HIKESHI: variants seen among roughly 807,000 people sequenced by gnomAD.
HIKESHI encodes the protein protein Hikeshi.
Under a neutral mutation model 25.7 loss-of-function variants are expected in HIKESHI, and 13 were observed. The observed-to-expected ratio is 0.51, with a 90% confidence interval of 0.33 to 0.80. The LOEUF is 0.80. HIKESHI is among the 30% of genes least tolerant of loss of function. The probability of loss-of-function intolerance (pLI) is 0.02; values close to 1 mark genes in which losing one functional copy is unlikely to be tolerated. For synonymous variants in HIKESHI, 76 were observed against 78.7 expected (o/e 0.97, Z 0.18); for missense variants, 174 against 229.5 (o/e 0.76, Z 1.56).
intron 2 of HIKESHI, among the ~76,000 whole-genome samples, chr11:86,333,522 G>A (rs663482): frequency 1.3e-5 from 2 of 149,326 alleles, no homozygotes; most frequent in African/African-American, 5.0e-5. Flanking sequence ...GCAACAGAGT[G>A]AGACTCTGTC....
At chr11:86,317,983 C>G (rs1415564655) in intron 2 of HIKESHI, among the ~76,000 whole-genome samples, 1 of 151,912 alleles carries the variant, frequency 6.6e-6, no homozygotes, top group African/African-American at 2.4e-5. Flanking sequence ...CCAAACAAAA[C>G]TGAAATAATT....
rs1273706275 is a variant in HIKESHI at position 86,319,240 on chromosome 11, A to ATTTTTT, written c.268+12759_268+12760insTTTTTT. On this transcript the variant is annotated intron_variant, in intron 2 of 4. Coordinates refer to ENST00000278483, the MANE Select transcript of HIKESHI (RefSeq NM_016401.4). ...AAAATATATATATATATATATATAT[A>ATTTTTT]TATTTTTTTTTTTTTTGAGACCAGT... is the stretch of plus-strand genomic sequence containing the variant. Among the ~76,000 whole-genome samples, 126 of 92,914 alleles carry ATTTTTT rather than the reference A, an allele frequency of 1.4e-3. 1 individual carries two copies. Among genetic ancestry groups the ATTTTTT allele is most frequent in the South Asian group, 4.7e-3 (12 of 2,546 alleles). The allele number at this position is 92,914 out of a possible 152,430, so 61.0% of individuals were successfully genotyped here.
At chr11:86,312,857 C>G (rs1478695933) in intron 2 of HIKESHI, among the ~76,000 whole-genome samples, 2 of 152,140 alleles carry the variant, frequency 1.3e-5, no homozygotes, top group Non-Finnish European at 2.9e-5. Flanking sequence ...GTTGAAAATT[C>G]TTTTCTTTAA....
intron 2 of HIKESHI, among the ~76,000 whole-genome samples, chr11:86,319,243 T>TATA (rs1491256643): frequency 1.4e-3 from 52 of 36,526 alleles, no homozygotes; most frequent in East Asian, 3.2e-3. Flanking sequence ...TATATATATA[T>TATA]TTTTTTTTTT....
chr11:86,335,112 C>G (rs1016169955), intron 2 of HIKESHI, among the ~76,000 whole-genome samples: 3 of 152,150 alleles, frequency 2.0e-5, no homozygotes, highest in African/African-American at 7.2e-5. Context: ...AAATAACAGA[C>G]TCCATTCCTG....
At chr11:86,334,236 ATGTG>A (rs60951435) in intron 2 of HIKESHI, among the ~76,000 whole-genome samples, 5,174 of 147,078 alleles carry the variant, frequency 0.035, 189 homozygotes, top group East Asian at 0.16. Context: ...TTTGTAAAAT[ATGTG>A]TGTGTGTGTG....
chr11:86,321,614 C>T (rs1947148689), intron 2 of HIKESHI, among the ~76,000 whole-genome samples: 1 of 152,064 alleles, frequency 6.6e-6, no homozygotes, highest in South Asian at 2.1e-4. Flanking sequence ...ACTGCAACCT[C>T]TGCCTCCCAC....
At chr11:86,303,904 A>T (rs572732114) in intron 1 of HIKESHI, among the ~76,000 whole-genome samples, 2 of 152,328 alleles carry the variant, frequency 1.3e-5, no homozygotes, top group African/African-American at 4.8e-5. Context: ...CAGTACCTAT[A>T]CAAAGTTGAC....
chr11:86,333,276 C>A (rs1406940852), intron 2 of HIKESHI, among the ~76,000 whole-genome samples: 1 of 152,040 alleles, frequency 6.6e-6, no homozygotes, highest in Non-Finnish European at 1.5e-5. Flanking sequence ...TGGCTCATGT[C>A]TGTAATCCCA....
At chr11:86,328,102 A>G (rs1947329277) in intron 2 of HIKESHI, among the ~76,000 whole-genome samples, 1 of 152,222 alleles carries the variant, frequency 6.6e-6, no homozygotes, top group African/African-American at 2.4e-5. Flanking sequence ...TTAATTCCTT[A>G]ATTTTACTGT....
chr11:86,315,802 A>G (rs750411719), intron 2 of HIKESHI, among the ~76,000 whole-genome samples: 27 of 152,200 alleles, frequency 1.8e-4, no homozygotes, highest in Non-Finnish European at 3.4e-4. Flanking sequence ...GTAAACCTAT[A>G]GACAAATCTG....
chr11:86,313,892 A>T (rs769469023), intron 2 of HIKESHI, among the ~76,000 whole-genome samples: 1 of 152,150 alleles, frequency 6.6e-6, no homozygotes, highest in African/African-American at 2.4e-5. Context: ...ATTCTTTTCT[A>T]GGTGGAGGTA....
At chr11:86,329,877 C>G (rs569829698) in intron 2 of HIKESHI, among the ~76,000 whole-genome samples, 66 of 152,058 alleles carry the variant, frequency 4.3e-4, no homozygotes, top group African/African-American at 1.4e-3. Flanking sequence ...TTATAACATA[C>G]TTTTACCTTT....
At chr11:86,312,111 T>C (rs536164242) in intron 2 of HIKESHI, among the ~76,000 whole-genome samples, 27 of 152,180 alleles carry the variant, frequency 1.8e-4, no homozygotes, top group Non-Finnish European at 3.5e-4. Context: ...TTCCTGGATA[T>C]CCTTGTTAAC....
Position 86,320,954 on chromosome 11 carries a change from A to G in HIKESHI, c.268+14472A>G, listed in dbSNP as rs1341088723. On this transcript the variant is annotated intron_variant, in intron 2 of 4. Coordinates refer to ENST00000278483, the MANE Select transcript of HIKESHI (RefSeq NM_016401.4). Reference sequence around the variant, plus strand: ...GTGTTCATTTTTTTCACTTTTTTTGAGACAGAGTCTCACACTGTTGCTCAG... The same window carrying G: ...GTGTTCATTTTTTTCACTTTTTTTGGGACAGAGTCTCACACTGTTGCTCAG... Among the ~76,000 whole-genome samples the G allele has an allele frequency of 2.6e-5, 4 of 151,706 alleles. No homozygotes were observed. In the East Asian group the frequency reaches 7.7e-4, roughly 29 times the overall value.
At chr11:86,308,088 T>C (rs1333314845) in intron 2 of HIKESHI, among the ~76,000 whole-genome samples, 2 of 126,010 alleles carry the variant, frequency 1.6e-5, no homozygotes, top group African/African-American at 6.4e-5. Flanking sequence ...TAAAATATAC[T>C]ATATAAATAT....
chr11:86,331,964 C>A (rs899144013), intron 2 of HIKESHI, among the ~76,000 whole-genome samples: 5 of 151,098 alleles, frequency 3.3e-5, no homozygotes, highest in African/African-American at 1.2e-4. Context: ...CTTCCTTTTG[C>A]CATAACTGTT....
At chr11:86,315,902 C>G (rs972558580) in intron 2 of HIKESHI, among the ~76,000 whole-genome samples, 1 of 151,924 alleles carries the variant, frequency 6.6e-6, no homozygotes, top group African/African-American at 2.4e-5. Context: ...GGGGTGGTAT[C>G]TGAGTTACTG....
At chr11:86,312,421 T>C (rs1392580959) in intron 2 of HIKESHI, among the ~76,000 whole-genome samples, 1 of 152,210 alleles carries the variant, frequency 6.6e-6, no homozygotes, top group Non-Finnish European at 1.5e-5. Flanking sequence ...TGGTAGATCT[T>C]CCTCCATCCC....
Sources: gnomAD v4.1 joint callset for allele counts (sites outside exome capture counted in the v4.1 genomes callset) on GRCh38, gnomAD v4.1.1 for gene constraint, MANE v1.5 for transcripts, NCBI Gene and HGNC (gene_info 2026-07-23, HGNC 2026-07-21) for gene names.